Variants in SPAM1 observed in about 807,000 individuals in gnomAD.
SPAM1 encodes the protein sperm adhesion molecule 1.
A neutral mutation model predicts 29.6 loss-of-function variants in SPAM1; 22 were observed. The ratio of observed to expected loss-of-function variants is 0.74; its 90% CI spans 0.53 to 1.06. The LOEUF is 1.06. Among genes scored for constraint, SPAM1 ranks in the 50% least tolerant of loss-of-function variants. SPAM1 has a pLI of 0.00. For synonymous variants in SPAM1, 194 were observed against 204.6 expected (o/e 0.95, Z 0.44); for missense variants, 534 against 604.0 (o/e 0.88, Z 1.21).
intron 1 of SPAM1, among the ~76,000 whole-genome samples, chr7:123,933,064 T>A (rs184873080): frequency 0.013 from 1,969 of 151,920 alleles, 41 homozygotes; most frequent in African/African-American, 0.045. Flanking sequence ...TTTTTTTTTT[T>A]TAAATTTACT....
chr7:123,939,327 T>C (rs546505432), intron 1 of SPAM1, among the ~76,000 whole-genome samples: 1 of 152,238 alleles, frequency 6.6e-6, no homozygotes, highest in South Asian at 2.1e-4. Context: ...CCTCGTGATC[T>C]GCCCGCCTCG....
chr7:123,934,046 T>C (rs892816297), intron 1 of SPAM1, among the ~76,000 whole-genome samples: 16 of 152,320 alleles, frequency 1.1e-4, no homozygotes, highest in African/African-American at 3.6e-4. Context: ...CAGTATTCAG[T>C]ACAATAACAT....
chr7:123,932,762 G>A (rs1004804564), intron 1 of SPAM1, among the ~76,000 whole-genome samples: 1 of 152,206 alleles, frequency 6.6e-6, no homozygotes, highest in Non-Finnish European at 1.5e-5. Flanking sequence ...ATAGTCTCTT[G>A]CCATTTTCAT....
At chr7:123,951,572 T>C (rs1808767159) in intron 2 of SPAM1, among the ~76,000 whole-genome samples, 1 of 152,144 alleles carries the variant, frequency 6.6e-6, no homozygotes, top group African/African-American at 2.4e-5. Flanking sequence ...AAGACTTCTA[T>C]GGGTAGAGAC....
At chr7:123,964,033 TTTTTA>T (rs1164498873), downstream of SPAM1, among the ~76,000 whole-genome samples, 2 of 147,900 alleles carry the variant, frequency 1.4e-5, no homozygotes, top group African/African-American at 5.2e-5. Context: ...TGACTTAATA[TTTTTA>T]TTTTATAAGA....
intron 5 of SPAM1, among the ~76,000 whole-genome samples, chr7:123,968,898 T>C (rs560218956): frequency 9.9e-5 from 15 of 152,192 alleles, no homozygotes; most frequent in African/African-American, 3.6e-4. Flanking sequence ...CTAACATTGT[T>C]GTTATTTTTA....
At chr7:123,934,988 G>A (rs1241172047) in intron 1 of SPAM1, among the ~76,000 whole-genome samples, 1 of 152,070 alleles carries the variant, frequency 6.6e-6, no homozygotes, top group African/African-American at 2.4e-5. Context: ...ATAGCTAGAA[G>A]ATTTTGATTG....
chr7:123,942,513 A>C (rs752742040), intron 1 of SPAM1, among the ~76,000 whole-genome samples: 2 of 152,246 alleles, frequency 1.3e-5, no homozygotes, highest in Non-Finnish European at 2.9e-5. Context: ...ACTTGGCCAT[A>C]GTATATGCAT....
intron 1 of SPAM1, among the ~76,000 whole-genome samples, chr7:123,935,839 A>G (rs1275132757): frequency 6.6e-6 from 1 of 152,220 alleles, no homozygotes; most frequent in Non-Finnish European, 1.5e-5. Context: ...TTATTCATGC[A>G]ATGACACTCT....
Position 123,955,063 on chromosome 7 carries a change from A to T in SPAM1, c.1021A>T (p.Thr341Ser). ...TGCTTCTGGAATTGTAATATGGGGA[A>T]CCCTCAGTATAATGCGAAGTATGGT... is the stretch of plus-strand genomic sequence containing the variant. Reference protein sequence around the residue: ...LGASGIVIWGTLSIMRSMKSC... With the variant: ...LGASGIVIWGSLSIMRSMKSC... Residue 341 changes from threonine (T) to serine (S), a missense_variant, in exon 4 of 5, where the codon ACC becomes TCC. By Grantham distance (58) the Thr-to-Ser change is moderately conservative (BLOSUM62 1). Coordinates refer to ENST00000682466, the MANE Select transcript of SPAM1 (RefSeq NM_153189.3). 1 of 1,610,302 alleles carries T rather than the reference A, an allele frequency of 6.2e-7. No individual in the cohort carries two copies. The highest frequency in any genetic ancestry group is 8.5e-7 in the Non-Finnish European group (1 of 1,177,084).
intron 1 of SPAM1, among the ~76,000 whole-genome samples, chr7:123,928,615 T>G (rs973010600): frequency 6.6e-6 from 1 of 152,150 alleles, no homozygotes; most frequent in Non-Finnish European, 1.5e-5. Context: ...ATGAATACTT[T>G]GAGCCAGAAG....
intron 5 of SPAM1, among the ~76,000 whole-genome samples, chr7:123,965,124 CTAA>C (rs1792406209): frequency 6.6e-6 from 1 of 151,952 alleles, no homozygotes; most frequent in Non-Finnish European, 1.5e-5. Flanking sequence ...GGTCAGACAG[CTAA>C]TAAGTCCTAG....
In SPAM1 at chr7:123,932,863, A is replaced by G. The variant is rs994573731; in HGVS notation, c.-319+7511A>G. On this transcript the variant is annotated intron_variant, in intron 1 of 4. Transcript: ENST00000682466. ...TTTGCTGGGTGCTCCCAAGATCTCA[A>G]TGGTAACCTCTGGAGTGCGCAGGGT... Among the ~76,000 whole-genome samples, 11 of 152,218 alleles carry G rather than the reference A, an allele frequency of 7.2e-5. No homozygotes were observed. In the East Asian group the frequency reaches 9.7e-4, roughly 13 times the overall value.
intron 4 of SPAM1, among the ~76,000 whole-genome samples, chr7:123,958,847 A>T (rs1447028763): frequency 6.6e-6 from 1 of 151,780 alleles, no homozygotes; most frequent in Non-Finnish European, 1.5e-5. Context: ...AAAAAAAAAA[A>T]TTGTCTGACA....
intron 1 of SPAM1, among the ~76,000 whole-genome samples, chr7:123,931,069 GA>G (rs2117018842): frequency 6.6e-6 from 1 of 152,162 alleles, no homozygotes; most frequent in Admixed American, 6.5e-5. Context: ...AAACTCCCCT[GA>G]AAGCTGGCAA....
intron 1 of SPAM1, among the ~76,000 whole-genome samples, chr7:123,940,608 C>A (rs1227391136): frequency 1.8e-4 from 27 of 151,896 alleles, no homozygotes; most frequent in Admixed American, 1.8e-3. Context: ...CCAACCATAA[C>A]CTCCCCAGTA....
chr7:123,953,565 T>A lies in SPAM1; in HGVS notation c.-6T>A, dbSNP rs754133079. The A allele has an allele frequency of 6.4e-7, 1 of 1,562,222 alleles. No homozygotes were observed. Among genetic ancestry groups the A allele is most frequent in the Non-Finnish European group, 8.7e-7 (1 of 1,151,900 alleles). On this transcript the variant is annotated 5_prime_UTR_variant, in exon 3 of 5. Transcript: ENST00000682466. Reference sequence around the variant, plus strand: ...ATAAATGTTTTCATAGTCATTACTCTTTACAATGGGAGTGCTAAAATTCAA... The same window carrying A: ...ATAAATGTTTTCATAGTCATTACTCATTACAATGGGAGTGCTAAAATTCAA...
At chr7:123,968,684 T>G (rs986419056) in intron 5 of SPAM1, among the ~76,000 whole-genome samples, 1 of 151,870 alleles carries the variant, frequency 6.6e-6, no homozygotes, top group Non-Finnish European at 1.5e-5. Context: ...TAGAGAGAGA[T>G]AGTATGTCTA....
intron 1 of SPAM1, among the ~76,000 whole-genome samples, chr7:123,935,682 C>T (rs1437414546): frequency 6.6e-6 from 1 of 152,090 alleles, no homozygotes; most frequent in Non-Finnish European, 1.5e-5. Context: ...GATTTAAAAC[C>T]CAAGTGTGTC....
Sources: gnomAD v4.1 joint callset for allele counts (sites outside exome capture counted in the v4.1 genomes callset) on GRCh38, gnomAD v4.1.1 for gene constraint, MANE v1.5 for transcripts, NCBI Gene and HGNC (gene_info 2026-07-23, HGNC 2026-07-21) for gene names.